Variants in HOXC6 observed in about 807,000 individuals in gnomAD.
HOXC6 encodes homeobox C6.
Under a neutral mutation model 24.0 loss-of-function variants are expected in HOXC6, and 10 were observed. The ratio of observed to expected loss-of-function variants is 0.42; its 90% confidence interval spans 0.26 to 0.71. The LOEUF (loss-of-function observed/expected upper bound fraction) is 0.71, where lower values mean the gene tolerates loss of function less well. Among genes scored for constraint, HOXC6 ranks in the 30% least tolerant of loss-of-function variants. The probability of loss-of-function intolerance (pLI) is 0.28; values close to 1 mark genes in which losing one functional copy is unlikely to be tolerated. For synonymous variants in HOXC6, 123 were observed against 128.1 expected (o/e 0.96, Z 0.27); for missense variants, 258 against 303.4 (o/e 0.85, Z 1.11).
upstream of HOXC6, among the ~76,000 whole-genome samples, chr12:54,027,149 G>A (rs552882440): frequency 2.1e-4 from 32 of 152,326 alleles, no homozygotes; most frequent in South Asian, 6.2e-3. Flanking sequence ...CACAAGCCTC[G>A]GATTCAGCTG....
chr12:54,025,608 C>T (rs556568965), upstream of HOXC6, among the ~76,000 whole-genome samples: 1 of 151,762 alleles, frequency 6.6e-6, no homozygotes, highest in Admixed American at 6.6e-5. Flanking sequence ...TCTGTTTCCC[C>T]TTCTCTCCCC....
chr12:54,026,471 T>C (rs933441967), upstream of HOXC6, among the ~76,000 whole-genome samples: 2 of 152,368 alleles, frequency 1.3e-5, no homozygotes, highest in Admixed American at 6.5e-5. Context: ...AAATTTTTTT[T>C]CTTAATTTAA....
chr12:54,018,407 TAG>T (rs1940264905), intron 1 of HOXC6, among the ~76,000 whole-genome samples: 1 of 152,126 alleles, frequency 6.6e-6, no homozygotes, highest in African/African-American at 2.4e-5. Context: ...GTCCTCCTGG[TAG>T]AGTCTCCTAG....
chr12:54,026,784 A>G (rs993451896), upstream of HOXC6, among the ~76,000 whole-genome samples: 1 of 152,142 alleles, frequency 6.6e-6, no homozygotes, highest in African/African-American at 2.4e-5. Context: ...CTCCAGGGAA[A>G]CCTTAACGTT....
upstream of HOXC6, among the ~76,000 whole-genome samples, chr12:54,023,483 T>C (rs945061285): frequency 6.6e-6 from 1 of 152,096 alleles, no homozygotes; most frequent in African/African-American, 2.4e-5. Context: ...TCCGTTTAAT[T>C]GTAATAAAGC....
At chr12:54,026,968 G>GC (rs1042785357), upstream of HOXC6, among the ~76,000 whole-genome samples, 5 of 135,122 alleles carry the variant, frequency 3.7e-5, no homozygotes, top group Non-Finnish European at 4.9e-5. Flanking sequence ...AAATGGTGGG[G>GC]GGGGGGGGAT....
At chr12:54,028,388 A>AG (rs1265741179), upstream of HOXC6, 1 of 951,690 alleles carries the variant, frequency 1.1e-6, no homozygotes, top group East Asian at 2.6e-5. Context: ...ATTGGCTGGG[A>AG]GGGGGTCAGC....
upstream of HOXC6, among the ~76,000 whole-genome samples, chr12:54,027,886 AT>A (rs1208044596): frequency 2.6e-5 from 4 of 151,912 alleles, no homozygotes; most frequent in Non-Finnish European, 4.4e-5. Context: ...GTTTTATGAA[AT>A]TTCTTTCTAC....
intron 1 of HOXC6, among the ~76,000 whole-genome samples, chr12:54,023,100 C>T (rs1368088307): frequency 3.3e-5 from 5 of 152,210 alleles, no homozygotes; most frequent in Admixed American, 2.0e-4. Context: ...TCCCAGATCA[C>T]AGAGAGCTGT....
chr12:54,023,194 A>G (rs571235535), intron 1 of HOXC6, among the ~76,000 whole-genome samples: 13 of 152,278 alleles, frequency 8.5e-5, no homozygotes, highest in South Asian at 6.2e-4. Context: ...ACCAGCCCCC[A>G]AAAAGCCAGA....
chr12:54,017,003 AT>A (rs2136410574), exon 1 of HOXC6: 1 of 141,834 alleles, frequency 7.1e-6, no homozygotes, highest in African/African-American at 2.6e-5. Flanking sequence ...TTTTTCCCCC[AT>A]TTAATTTTTT....
upstream of HOXC6, among the ~76,000 whole-genome samples, chr12:54,026,194 G>A (rs1416854409): frequency 1.3e-5 from 2 of 152,118 alleles, no homozygotes; most frequent in African/African-American, 4.8e-5. Context: ...GGGCAGAAAG[G>A]AGGCTGGGAA....
chr12:54,025,828 C>A (rs562891805), upstream of HOXC6, among the ~76,000 whole-genome samples: 1 of 152,146 alleles, frequency 6.6e-6, no homozygotes, highest in Non-Finnish European at 1.5e-5. Flanking sequence ...TTTGGGGCCC[C>A]TTTCCTCTCC....
At chr12:54,027,336 T>C (rs762647630), upstream of HOXC6, among the ~76,000 whole-genome samples, 24 of 152,190 alleles carry the variant, frequency 1.6e-4, no homozygotes, top group Admixed American at 1.4e-3. Flanking sequence ...GCGCCTCCAC[T>C]GGCGGTGCCC....
intron 1 of HOXC6, among the ~76,000 whole-genome samples, chr12:54,022,912 G>T (rs1299746507): frequency 6.6e-6 from 1 of 152,224 alleles, no homozygotes; most frequent in Non-Finnish European, 1.5e-5. Context: ...CTTTGACCCA[G>T]TGCAGAGCAG....
At chr12:54,019,311 GC>G (rs747807122) in intron 1 of HOXC6, among the ~76,000 whole-genome samples, 6 of 152,136 alleles carry the variant, frequency 3.9e-5, no homozygotes, top group Non-Finnish European at 8.8e-5. Flanking sequence ...TGCTCAGGCT[GC>G]CGCGCGCTCT....
chr12:54,018,219 A>G (rs1024988262), intron 1 of HOXC6, among the ~76,000 whole-genome samples: 4 of 152,170 alleles, frequency 2.6e-5, no homozygotes, highest in African/African-American at 9.7e-5. Context: ...AAAGAGGCCT[A>G]CCGGCTTTCC....
At chr12:54,026,886 G>A (rs59323124), upstream of HOXC6, among the ~76,000 whole-genome samples, 1 of 151,714 alleles carries the variant, frequency 6.6e-6, no homozygotes, top group Non-Finnish European at 1.5e-5. Flanking sequence ...TACACAGAAG[G>A]AAAAGATCAT....
chr12:54,019,318 G>T (rs1565735170), intron 1 of HOXC6, among the ~76,000 whole-genome samples: 1 of 152,112 alleles, frequency 6.6e-6, no homozygotes, highest in Non-Finnish European at 1.5e-5. Context: ...GCTGCCGCGC[G>T]CTCTCCCGCC....
Sources: allele counts gnomAD v4.1 joint callset (sites outside exome capture counted in the v4.1 genomes callset), GRCh38; gene constraint gnomAD v4.1.1; transcripts MANE v1.5; gene names NCBI Gene and HGNC (gene_info 2026-07-23, HGNC 2026-07-21).